Variants in RASD2 observed in about 807,000 individuals in gnomAD.
RASD2 encodes GTP-binding protein Rhes.
A neutral mutation model predicts 15.8 loss-of-function variants in RASD2; 7 were observed. The observed-to-expected ratio is 0.44, with a 90% CI of 0.25 to 0.83. The LOEUF is 0.83. Ranked by LOEUF, RASD2 falls within the 40% of genes least tolerant of loss-of-function variation. The pLI, the probability that RASD2 is intolerant of heterozygous loss-of-function variation, is 0.20. For synonymous variants in RASD2, 155 were observed against 153.6 expected (o/e 1.01, Z -0.07); for missense variants, 274 against 382.8 (o/e 0.72, Z 2.37).
At position 35,551,666 on chromosome 22, in the gene RASD2, C is replaced by A; in HGVS notation, c.435C>A (p.Gly145=). The part of the protein sequence containing the change: ...MVICGNKNDH[G]ELCRQVPTTE... ...TCTGTGGCAACAAGAACGACCACGGCGAGCTGTGCCGCCAGGTGCCCACCA... is the reference window on the plus strand; with the variant it reads ...TCTGTGGCAACAAGAACGACCACGGAGAGCTGTGCCGCCAGGTGCCCACCA... Residue 145 remains glycine, a synonymous_variant, in exon 3 of 3, where the codon GGC becomes GGA. Coordinates refer to ENST00000216127, the MANE Select transcript of RASD2 (RefSeq NM_014310.4). The surrounding 1 kb of genome is among the most constrained non-coding windows in gnomAD (Gnocchi z 4.9). 3 of 1,614,040 alleles carry A rather than the reference C, an allele frequency of 1.9e-6. No individual in the cohort carries two copies. The highest frequency in any genetic ancestry group is 1.1e-5 in the South Asian group (1 of 91,080).
rs141105309 is a variant in RASD2, at chr22:35,546,965, C to T, written c.156C>T (p.Ile52=). 184 of 1,614,102 alleles carry T rather than the reference C, an allele frequency of 1.1e-4. 1 individual carries two copies. The highest frequency in any genetic ancestry group is 2.9e-4 in the South Asian group (26 of 91,054). The change falls in exon 2 of 3, where the codon ATC becomes ATT. Residue 52 remains isoleucine (I), a synonymous_variant. Coordinates refer to ENST00000216127, the MANE Select transcript of RASD2 (RefSeq NM_014310.4). The stretch of plus-strand genomic sequence containing the variant: ...TTGAGGACCAGTACACACCCACCAT[C>T]GAGGACTTCCACCGTAAGGTATACA... ...GRFEDQYTPT[I]EDFHRKVYNI...
upstream of RASD2, among the ~76,000 whole-genome samples, chr22:35,536,563 G>T (rs760965885): frequency 2.6e-5 from 4 of 152,158 alleles, no homozygotes; most frequent in African/African-American, 9.7e-5. Context: ...ATGACCTTGC[G>T]ATCTGCCTGC....
chr22:35,545,919 T>G (rs925051254), intron 1 of RASD2, among the ~76,000 whole-genome samples: 3 of 152,080 alleles, frequency 2.0e-5, no homozygotes, highest in African/African-American at 4.8e-5. Flanking sequence ...TACAAGAGCT[T>G]GGATCCATGT....
chr22:35,542,448 C>T (rs1299853187), intron 1 of RASD2, among the ~76,000 whole-genome samples: 2 of 152,216 alleles, frequency 1.3e-5, no homozygotes, highest in Non-Finnish European at 2.9e-5. Context: ...TAACCTGAGC[C>T]CCAGGAAGCC....
chr22:35,547,616 G>A (rs1284226635), intron 2 of RASD2, among the ~76,000 whole-genome samples: 1 of 152,172 alleles, frequency 6.6e-6, no homozygotes, highest in Non-Finnish European at 1.5e-5. Context: ...CTTAGAGCTT[G>A]GCATGTAGTT....
In RASD2 at chr22:35,551,907, G is replaced by A; in HGVS notation, c.676G>A (p.Asp226Asn). 6.2e-7 allele frequency: 1 copy of A among 1,612,590 alleles called. No individual in the cohort carries two copies. ...PFCMRRVKEM[D>N]AYGMVSPFAR... ...CTGCATGCGCCGCGTCAAGGAGATG[G>A]ACGCCTATGGCATGGTCTCGCCCTT... The change falls in exon 3 of 3, where the codon GAC becomes AAC. Residue 226 changes from aspartate (D) to asparagine (N), a missense_variant. By Grantham distance (23) the Asp-to-Asn change is conservative. Transcript: ENST00000216127. The surrounding 1 kb of genome is among the most constrained non-coding windows in gnomAD (Gnocchi z 4.9).
chr22:35,535,183 C>T, the RASD2 span, among the ~76,000 whole-genome samples: 2 of 152,130 alleles, frequency 1.3e-5, no homozygotes, highest in Admixed American at 6.5e-5. Context: ...GCAGGAAGCT[C>T]GCTTGAGCCC....
chr22:35,534,971 T>C, the RASD2 span, among the ~76,000 whole-genome samples: 116 of 152,312 alleles, frequency 7.6e-4, no homozygotes, highest in Non-Finnish European at 1.2e-3. Context: ...CTGACCACTA[T>C]TTATTCATTC....
the RASD2 span, among the ~76,000 whole-genome samples, chr22:35,534,776 A>C: frequency 6.6e-6 from 1 of 152,370 alleles, no homozygotes; most frequent in East Asian, 1.9e-4. Context: ...GCTTTCCCTC[A>C]AAGCTGAGAG....
rs185164131 is a variant in RASD2, at chr22:35,543,933, C to T, written c.-10+2433C>T. On this transcript the variant is annotated intron_variant, in intron 1 of 2. Coordinates refer to ENST00000216127, the MANE Select transcript of RASD2 (RefSeq NM_014310.4). The stretch of plus-strand genomic sequence containing the variant: ...CCTCCTCTCTCTGACTCTCTGCCTC[C>T]TCTCTCTGACTCCCTGCCTCCTCTC... 4.7e-5 allele frequency among the ~76,000 whole-genome samples: 7 copies of T among 150,336 alleles called. No homozygotes were observed. The East Asian group carries it at 9.9e-4, about 21-fold the overall frequency.
chr22:35,544,333 T>A (rs1934438303), intron 1 of RASD2, among the ~76,000 whole-genome samples: 1 of 152,146 alleles, frequency 6.6e-6, no homozygotes, highest in Admixed American at 6.5e-5. Context: ...AAGGGCTCCC[T>A]GCTGTGGTCT....
rs769181017 is a variant in RASD2, at chr22:35,546,827, C to A, written c.18C>A (p.Ser6=). Residue 6 remains serine (S), a synonymous_variant, in exon 2 of 3, where the codon TCC becomes TCA. Transcript: ENST00000216127. MMKTL[S]SGNCTLSVPA... ...CCCGAGCCATGATGAAGACTTTGTC[C>A]AGCGGGAACTGCACGCTCAGTGTGC... The A allele has an allele frequency of 6.2e-7, 1 of 1,613,734 alleles. No individual in the cohort carries two copies. The highest frequency in any genetic ancestry group is 8.5e-7 in the Non-Finnish European group (1 of 1,179,884).
rs1341127699 is a variant in RASD2, at chr22:35,551,707, T to C, written c.476T>C (p.Leu159Pro). 1 of 1,612,714 alleles carries C rather than the reference T, an allele frequency of 6.2e-7. No homozygotes were observed. Among genetic ancestry groups the C allele is most frequent in the Admixed American group, 1.7e-5 (1 of 59,918 alleles). Residue 159 changes from leucine (L) to proline (P), a missense_variant, in exon 3 of 3, where the codon CTG becomes CCG. Coordinates refer to ENST00000216127, the MANE Select transcript of RASD2 (RefSeq NM_014310.4). This position sits in a 1 kb window ranked among gnomAD's most constrained non-coding sequence, Gnocchi z 4.9. Reference protein sequence around the residue: ...RQVPTTEAELLVSGDENCAYF... With the variant: ...RQVPTTEAELPVSGDENCAYF... ...GTGCCCACCACCGAGGCCGAGCTGC[T>C]GGTGTCGGGCGACGAGAACTGCGCC...
chr22:35,546,679 CGTCT>C, intron 1 of RASD2, 118 bp from the exon 2 acceptor site: 1 of 1,332,142 alleles, frequency 7.5e-7, no homozygotes, highest in Non-Finnish European at 1.0e-6. Context: ...CTTAGAACCT[CGTCT>C]GATGTTCCCA....
At position 35,553,404 on chromosome 22, in the gene RASD2, A is replaced by C. The variant is rs894689195; in HGVS notation, c.*1372A>C. The stretch of plus-strand genomic sequence containing the variant: ...AACCCATAAACCAAAGGCCCTTGTC[A>C]TCAGCTCTTAACAAGTATATTTTGT... On this transcript the variant is annotated 3_prime_UTR_variant, in exon 3 of 3. Transcript: ENST00000216127. 8.5e-5 allele frequency: 13 copies of C among 152,530 alleles called. No homozygotes were observed. Among genetic ancestry groups the C allele is most frequent in the African/African-American group, 3.1e-4 (13 of 41,404 alleles). 9.4% of individuals were successfully genotyped at this position (152,530 alleles called of 1,614,324 possible). A position where few individuals can be genotyped will look rare whatever the true frequency, so the allele number is the denominator to read the frequency against.
intron 2 of RASD2, among the ~76,000 whole-genome samples, chr22:35,548,867 C>G (rs1934585796): frequency 6.6e-6 from 1 of 152,144 alleles, no homozygotes; most frequent in South Asian, 2.1e-4. Context: ...AACCTCATAC[C>G]CCGCAGGGAG....
chr22:35,536,358 C>T (rs1934248039), upstream of RASD2, among the ~76,000 whole-genome samples: 1 of 150,606 alleles, frequency 6.6e-6, no homozygotes, highest in Admixed American at 6.6e-5. Flanking sequence ...CAGAGTCTCA[C>T]TCTGTCGCCC....
At chr22:35,537,897 G>T (rs1187604735), upstream of RASD2, among the ~76,000 whole-genome samples, 2 of 152,044 alleles carry the variant, frequency 1.3e-5, no homozygotes, top group Non-Finnish European at 2.9e-5. Context: ...TCACGTCCTG[G>T]TTGGAGGCCT....
upstream of RASD2, among the ~76,000 whole-genome samples, chr22:35,538,685 C>T (rs143211061): frequency 6.6e-6 from 1 of 152,340 alleles, no homozygotes; most frequent in Non-Finnish European, 1.5e-5. Context: ...TGGGACATGA[C>T]CCATTCTGTT....
Sources: gnomAD v4.1 joint callset for allele counts (sites outside exome capture counted in the v4.1 genomes callset) on GRCh38, gnomAD v4.1.1 for gene constraint, Gnocchi (gnomAD v3.1) non-coding constraint, MANE v1.5 for transcripts, NCBI Gene and HGNC (gene_info 2026-07-23, HGNC 2026-07-21) for gene names.